Variants in AKT2 observed in about 807,000 individuals in gnomAD.
AKT2 encodes the protein RAC-beta serine/threonine-protein kinase.
In AKT2, 16 loss-of-function variants were observed where a neutral mutation model predicts 58.6. The ratio of observed to expected loss-of-function variants is 0.27; its 90% CI spans 0.18 to 0.41. The LOEUF (loss-of-function observed/expected upper bound fraction) is 0.41. Ranked by LOEUF, AKT2 falls within the 10% of genes least tolerant of loss-of-function variation. The probability of loss-of-function intolerance (pLI) is 1.00; values close to 1 mark genes in which losing one functional copy is unlikely to be tolerated. For missense variants in AKT2, 438 were observed against 661.0 expected, an observed-to-expected ratio of 0.66 and a Z score of 3.70; for synonymous variants, 253 against 254.0, an observed-to-expected ratio of 1.00 and a Z score of 0.04.
Position 40,230,786 on chromosome 19 carries a change from G to A in AKT2, c.*3086C>T. 1 of 193,518 alleles carries A rather than the reference G, an allele frequency of 5.2e-6. No homozygotes were observed. Among genetic ancestry groups the A allele is most frequent in the Non-Finnish European group, 1.1e-5 (1 of 93,248 alleles). 12.0% of individuals were successfully genotyped at this position (193,518 alleles called of 1,614,324 possible). A position where few individuals can be genotyped will look rare whatever the true frequency, so the allele number is the denominator to read the frequency against. On this transcript the variant is annotated 3_prime_UTR_variant, in exon 14 of 14. Coordinates refer to ENST00000392038, the MANE Select transcript of AKT2 (RefSeq NM_001626.6). ...GCTGCAGTGCAGTGCCGCAATCATA[G>A]CTCACTGCAGCCTCAAACTCCTGGG... is the stretch of plus-strand genomic sequence containing the variant.
At chr19:40,274,708 C>T in intron 1 of AKT2, 1 of 267,132 alleles carries the variant, frequency 3.7e-6, no homozygotes, top group Non-Finnish European at 7.6e-6. Context: ...TGGGGAGGAA[C>T]GCTGCAGGCA....
rs1381193174 is a variant in AKT2 at position 40,260,402 on chromosome 19, T to C, written c.47-3348A>G. 3.3e-5 allele frequency among the ~76,000 whole-genome samples: 5 copies of C among 151,460 alleles called. No homozygotes were observed. In the East Asian group the frequency reaches 5.8e-4, roughly 18 times the overall value. On this transcript the variant is annotated intron_variant, in intron 2 of 13. Coordinates refer to ENST00000392038, the MANE Select transcript of AKT2 (RefSeq NM_001626.6). ...ATCCCAGCACTTTGGGAGGCCGAGG[T>C]GGGCGGATCCCAAGGTCAAGAGATA...
intron 4 of AKT2, among the ~76,000 whole-genome samples, chr19:40,252,958 C>G (rs546166844): frequency 6.6e-5 from 10 of 152,228 alleles, no homozygotes; most frequent in African/African-American, 2.2e-4. Context: ...CTCAGTGGGG[C>G]AAGTATATTT....
chr19:40,237,860 TGGTGGGGAGCCTGGCGAATGAGGGCA>T lies in AKT2; in HGVS notation c.831+83_831+108del. 1 of 1,493,038 alleles carries T rather than the reference TGGTGGGGAGCCTGGCGAATGAGGGCA, an allele frequency of 6.7e-7. No individual in the cohort carries two copies. Among genetic ancestry groups the T allele is most frequent in the Non-Finnish European group, 9.1e-7 (1 of 1,101,910 alleles). The allele number at this position is 1,493,038 out of a possible 1,614,324, so 92.5% of individuals were successfully genotyped here. A position where few individuals can be genotyped will look rare whatever the true frequency, so the allele number is the denominator to read the frequency against. On this transcript the variant is annotated intron_variant, in intron 9 of 13. Transcript: ENST00000392038. The surrounding 1 kb of genome is among the most constrained non-coding windows in gnomAD (Gnocchi z 4.5). ...TGAGGGCAGCCACCACCCTGGACCT[TGGTGGGGAGCCTGGCGAATGAGGGCA>T]GAAGCTCAGCCCAACTTCCCCAGTG...
At chr19:40,265,129 G>C in intron 2 of AKT2, 93 bp downstream of exon 2, 3 of 1,542,868 alleles carry the variant, frequency 1.9e-6, no homozygotes, top group Non-Finnish European at 2.6e-6. Context: ...TCCTCAGGCT[G>C]GTAAGACCCT....
intron 2 of AKT2, among the ~76,000 whole-genome samples, chr19:40,264,742 A>C (rs1600084437): frequency 7.8e-5 from 10 of 127,654 alleles, no homozygotes; most frequent in African/African-American, 8.9e-5. Context: ...ATTGTCCCTC[A>C]CTCACAGTTC....
chr19:40,240,287 A>G (rs759755219), intron 6 of AKT2, 177 bp from the exon 7 acceptor site: 45 of 794,852 alleles, frequency 5.7e-5, no homozygotes, highest in Non-Finnish European at 8.3e-5. Context: ...GACCCAGACG[A>G]GGATCATCAG....
rs1256666677 is a variant in AKT2 at position 40,238,491 on chromosome 19, C to CA, written c.709-401dup. Among the ~76,000 whole-genome samples, 2 of 152,172 alleles carry CA rather than the reference C, an allele frequency of 1.3e-5. No homozygotes were observed. The highest frequency in any genetic ancestry group is 4.8e-5 in the African/African-American group (2 of 41,448). Reference sequence around the variant, plus strand: ...AAGGCGCGAGGCAAGGAGTGGGTGACAAAAGTGAGGCGACTCTGTAAGGGG... The same window carrying CA: ...AAGGCGCGAGGCAAGGAGTGGGTGACAAAAAGTGAGGCGACTCTGTAAGGGG... On this transcript the variant is annotated intron_variant, in intron 8 of 13. Transcript: ENST00000392038. The surrounding 1 kb of genome is among the most constrained non-coding windows in gnomAD (Gnocchi z 5.1).
At chr19:40,260,762 T>C (rs1161059378) in intron 2 of AKT2, among the ~76,000 whole-genome samples, 1 of 150,246 alleles carries the variant, frequency 6.7e-6, no homozygotes, top group African/African-American at 2.5e-5. Context: ...CATATTGATA[T>C]ACGCTACTAC....
chr19:40,257,858 G>A (rs1000806793), intron 2 of AKT2, among the ~76,000 whole-genome samples: 4 of 152,138 alleles, frequency 2.6e-5, no homozygotes, highest in Non-Finnish European at 4.4e-5. Flanking sequence ...TGGAGGGACC[G>A]TAACTTATGC....
intron 2 of AKT2, among the ~76,000 whole-genome samples, chr19:40,263,937 C>A (rs534962295): frequency 5.3e-5 from 8 of 152,338 alleles, no homozygotes; most frequent in African/African-American, 1.9e-4. Context: ...CCCCCTCTGG[C>A]CGCCCTGCCT....
rs907536237 is a variant in AKT2 at position 40,265,332 on chromosome 19, C to T, written c.-65G>A. 3 of 1,587,420 alleles carry T rather than the reference C, an allele frequency of 1.9e-6. No individual in the cohort carries two copies. Among genetic ancestry groups the T allele is most frequent in the Admixed American group, 3.6e-5 (2 of 55,752 alleles). ...TCAGGGCAGCAGGACATGCAGGAGG[C>T]ACCGTGGACAGGGCACAGTCTGCAA... is the stretch of plus-strand genomic sequence containing the variant. On this transcript the variant is annotated 5_prime_UTR_variant, in exon 2 of 14. Transcript: ENST00000392038.
intron 1 of AKT2, among the ~76,000 whole-genome samples, chr19:40,275,778 G>GGGGGGGGGGGGGGGGGGGA (rs57322271): frequency 1.8e-5 from 1 of 55,764 alleles, no homozygotes; most frequent in Non-Finnish European, 3.9e-5. Flanking sequence ...GGGGGGGGGG[G>GGGGGGGGGGGGGGGGGGGA]TGGGCGGGGG....
chr19:40,234,687 G>T lies in AKT2; in HGVS notation c.1366+358C>A. The T allele has an allele frequency of 1.7e-6, 1 of 574,632 alleles. No homozygotes were observed. Among genetic ancestry groups the T allele is most frequent in the Non-Finnish European group, 3.1e-6 (1 of 325,862 alleles). The allele number at this position is 574,632 out of a possible 1,614,324, so 35.6% of individuals were successfully genotyped here. A position where few individuals can be genotyped will look rare whatever the true frequency, so the allele number is the denominator to read the frequency against. On this transcript the variant is annotated intron_variant, in intron 13 of 13. Transcript: ENST00000392038. This position sits in a 1 kb window ranked among gnomAD's most constrained non-coding sequence, Gnocchi z 4.7. ...CTGGGCTGGGAGCTTTCCAGGGCAG[G>T]GCCCAGGGCTGGCTCAATCAGTGCT... is the stretch of plus-strand genomic sequence containing the variant.
intron 4 of AKT2, chr19:40,244,056 A>ATAAAATAAT (rs1176242343): frequency 1.4e-5 from 2 of 141,704 alleles, no homozygotes; most frequent in African/African-American, 5.2e-5. Context: ...AATAATAATA[A>ATAAAATAAT]AATAATAATA....
At chr19:40,276,226 T>C (rs1321037111) in intron 1 of AKT2, among the ~76,000 whole-genome samples, 1 of 151,694 alleles carries the variant, frequency 6.6e-6, no homozygotes, top group Non-Finnish European at 1.5e-5. Context: ...ACCTGGGGAA[T>C]TGGAGCAGGA....
At chr19:40,241,775 C>T in intron 6 of AKT2, 163 bp downstream of exon 6, 2 of 1,086,478 alleles carry the variant, frequency 1.8e-6, no homozygotes, top group South Asian at 2.8e-5. Context: ...AGGCCTGCTG[C>T]TCCTCTCTGG....
At chr19:40,275,654 A>G (rs1259974819) in intron 1 of AKT2, among the ~76,000 whole-genome samples, 1 of 151,902 alleles carries the variant, frequency 6.6e-6, no homozygotes, top group Non-Finnish European at 1.5e-5. Flanking sequence ...TAGTGCAACT[A>G]AAGAACTGAC....
In AKT2 at chr19:40,238,163, C is replaced by T; in HGVS notation, c.709-72G>A. 6.5e-7 allele frequency: 1 copy of T among 1,540,606 alleles called. No homozygotes were observed. Among genetic ancestry groups the T allele is most frequent in the Non-Finnish European group, 8.8e-7 (1 of 1,141,650 alleles). On this transcript the variant is annotated intron_variant, in intron 8 of 13. Coordinates refer to ENST00000392038, the MANE Select transcript of AKT2 (RefSeq NM_001626.6). The surrounding 1 kb of genome is among the most constrained non-coding windows in gnomAD (Gnocchi z 5.1). ...CACCTGCCCTCACCTTCCCAGCCCC[C>T]TGCCCCAGCGCAGTGATGTGGTGAC...
Sources: allele counts gnomAD v4.1 joint callset (sites outside exome capture counted in the v4.1 genomes callset), GRCh38; gene constraint gnomAD v4.1.1; non-coding constraint Gnocchi (gnomAD v3.1); transcripts MANE v1.5; gene names NCBI Gene and HGNC (gene_info 2026-07-23, HGNC 2026-07-21).